The following CHTF18 variants were observed in gnomAD, a reference collection of about 807,000 sequenced individuals.
The protein encoded by CHTF18 is chromosome transmission fidelity factor 18, also known as chromosome transmission fidelity protein 18 homolog.
A neutral mutation model predicts 113.4 loss-of-function variants in CHTF18; 151 were observed. The ratio of observed to expected loss-of-function variants is 1.33; its 90% CI spans 1.17 to 1.52. The LOEUF (loss-of-function observed/expected upper bound fraction) is 1.52. Among genes scored for constraint, CHTF18 ranks in the 40% most tolerant of loss-of-function variants. CHTF18 has a pLI of 0.00. For missense variants in CHTF18, 1,982 were observed against 1,381.6 expected (o/e 1.43, Z -6.89); for synonymous variants, 916 against 598.8 (o/e 1.53, Z -7.74).
At chr16:791,683 G>A (rs2042200281) in intron 8 of CHTF18, 168 bp from the exon 9 acceptor site, 2 of 1,426,408 alleles carry the variant, frequency 1.4e-6, no homozygotes, top group South Asian at 3.0e-5. Flanking sequence ...TTTTTTTTCC[G>A]TTGCCATCTT....
chr16:791,260 G>A lies in CHTF18; in HGVS notation c.994G>A (p.Ala332Thr). 1.9e-6 allele frequency: 3 copies of A among 1,610,318 alleles called. No individual in the cohort carries two copies. The highest frequency in any genetic ancestry group is 2.2e-5 in the South Asian group (2 of 90,652). The change falls in exon 8 of 22, where the codon GCC becomes ACC. Residue 332 changes from alanine (A) to threonine (T), a missense_variant. By Grantham distance (58) the Ala-to-Thr change is moderately conservative (BLOSUM62 0). Coordinates refer to ENST00000262315, the MANE Select transcript of CHTF18 (RefSeq NM_022092.3). ...GAAGCCCAGGCCCAGTGTTGAGCCG[G>A]CCCGGGTCAGCAAGGAGGCCACAGC... ...SRKPRPSVEP[A>T]RVSKEATAPG...
At chr16:797,124 A>T in intron 20 of CHTF18, 32 bp downstream of exon 20, 1 of 1,492,156 alleles carries the variant, frequency 6.7e-7, no homozygotes, top group Non-Finnish European at 8.9e-7. Flanking sequence ...GGGTGGGACC[A>T]GGGTACATAC....
rs377177966 is a variant in CHTF18, at chr16:791,927, C to T, written c.1181C>T (p.Ser394Phe). The change falls in exon 9 of 22, where the codon TCT becomes TTT. Residue 394 changes from serine (S) to phenylalanine (F), a missense_variant. By Grantham distance (155) the Ser-to-Phe change is radical. Coordinates refer to ENST00000262315, the MANE Select transcript of CHTF18 (RefSeq NM_022092.3). ...GTGATTGCGCGTCACGCGGGGTACT[C>T]TGTGGTGGAGATGAACGCCAGGTGA... Reference protein sequence around the residue: ...AHVIARHAGYSVVEMNASDDR... With the variant: ...AHVIARHAGYFVVEMNASDDR... 3.7e-6 allele frequency: 6 copies of T among 1,609,374 alleles called. No homozygotes were observed. The highest frequency in any genetic ancestry group is 4.5e-5 in the East Asian group (2 of 44,734).
chr16:797,724 G>A lies in CHTF18; in HGVS notation c.2764G>A (p.Val922Ile), dbSNP rs371437338. ...GAAGGACTTCTTTGGACGTGTGGTC[G>A]TCAGGAGCACAGCAGTCCCGAGTGC... ...PEKDFFGRVV[V>I]RSTAVPSAGD... Residue 922 changes from valine (V) to isoleucine (I), a missense_variant, in exon 21 of 22, where the codon GTC becomes ATC. Coordinates refer to ENST00000262315, the MANE Select transcript of CHTF18 (RefSeq NM_022092.3). 4.3e-5 allele frequency: 70 copies of A among 1,609,524 alleles called. No homozygotes were observed. In the East Asian group the frequency reaches 7.8e-4, roughly 18 times the overall value.
chr16:795,471 TGCCCCC>T lies in CHTF18; in HGVS notation c.2175+117_2175+122del, dbSNP rs1343082771. 6.3e-5 allele frequency: 24 copies of T among 381,896 alleles called. 4 individuals are homozygous for T. Among genetic ancestry groups the T allele is most frequent in the Middle Eastern group, 1.5e-3 (2 of 1,368 alleles). The allele number at this position is 381,896 out of a possible 1,614,324, so 23.7% of individuals were successfully genotyped here. On this transcript the variant is annotated intron_variant, in intron 16 of 21. Coordinates refer to ENST00000262315, the MANE Select transcript of CHTF18 (RefSeq NM_022092.3). Reference sequence around the variant, plus strand: ...CCCCCAAACACACTGCCCGTGTGGCTGCCCCCGGCCCCGTGCCCGCCCCCCCAAACA... The same window carrying T: ...CCCCCAAACACACTGCCCGTGTGGCTGGCCCCGTGCCCGCCCCCCCAAACA...
At chr16:789,820 A>G (rs953292800) in intron 4 of CHTF18, 105 bp downstream of exon 4, 114 of 1,395,812 alleles carry the variant, frequency 8.2e-5, no homozygotes, top group Non-Finnish European at 1.0e-4. Flanking sequence ...GGTCCTGTGC[A>G]GAGCCCCAGG....
At chr16:789,885 C>T (rs1230962917) in intron 4 of CHTF18, 170 bp downstream of exon 4, 8 of 1,348,246 alleles carry the variant, frequency 5.9e-6, no homozygotes, top group African/African-American at 1.5e-5. Flanking sequence ...CACAGCCTCC[C>T]CACAGCAGGT....
chr16:796,747 G>A lies in CHTF18; in HGVS notation c.2487G>A (p.Glu829=). The stretch of plus-strand genomic sequence containing the variant: ...TGGAGGAACTCTGCCGCTTCCCTGA[G>A]CTGCCTGCCCGCAAGCCCCTCACCT... ...PNVEELCRFP[E]LPARKPLTYQ... Residue 829 remains glutamate, a synonymous_variant, in exon 19 of 22, where the codon GAG becomes GAA. Transcript: ENST00000262315. The A allele has an allele frequency of 1.2e-6, 2 of 1,605,536 alleles. No homozygotes were observed. Among genetic ancestry groups the A allele is most frequent in the Non-Finnish European group, 1.7e-6 (2 of 1,179,432 alleles).
Position 796,794 on chromosome 16 carries a change from C to G in CHTF18, c.2534C>G (p.Ala845Gly). The G allele has an allele frequency of 3.7e-6, 6 of 1,611,052 alleles. No homozygotes were observed. The South Asian group carries it at 5.5e-5, about 15-fold the overall frequency. The change falls in exon 19 of 22, where the codon GCC becomes GGC. Residue 845 changes from alanine (A) to glycine (G), a missense_variant. Coordinates refer to ENST00000262315, the MANE Select transcript of CHTF18 (RefSeq NM_022092.3). ...PLTYQTKQLIAREIEVEKMRR... is the reference protein window; with the variant it reads ...PLTYQTKQLIGREIEVEKMRR... ...ACCTACCAGACGAAGCAGCTCATCG[C>G]CCGCGAGATCGAGGTGGAGAAGATG... is the stretch of plus-strand genomic sequence containing the variant.
In CHTF18 at chr16:797,020, G is replaced by A. The variant is rs1328812661; in HGVS notation, c.2661G>A (p.Val887=). Reference sequence around the variant, plus strand: ...TGGGGGGCATTGGGGAGAAAGGGGTGCACCGACCTGCCCCACGCAACCATG... The same window carrying A: ...TGGGGGGCATTGGGGAGAAAGGGGTACACCGACCTGCCCCACGCAACCATG... The part of the protein sequence containing the change: ...GLLGGIGEKG[V]HRPAPRNHEQ... The change falls in exon 20 of 22, where the codon GTG becomes GTA. Residue 887 remains valine (V), a synonymous_variant. Coordinates refer to ENST00000262315, the MANE Select transcript of CHTF18 (RefSeq NM_022092.3). 1.9e-6 allele frequency: 3 copies of A among 1,557,062 alleles called. No individual in the cohort carries two copies. Among genetic ancestry groups the A allele is most frequent in the African/African-American group, 2.7e-5 (2 of 73,128 alleles).
intron 8 of CHTF18, 74 bp from the exon 9 acceptor site, chr16:791,777 C>T (rs1596754427): frequency 2.0e-6 from 3 of 1,519,046 alleles, no homozygotes; most frequent in South Asian, 1.2e-5. Context: ...ACACATGTGG[C>T]AGTCCCTGGC....
intron 12 of CHTF18, 45 bp from the exon 13 acceptor site, chr16:792,921 G>A (rs577688): frequency 7.1e-6 from 11 of 1,542,156 alleles, no homozygotes; most frequent in Non-Finnish European, 9.6e-6. Context: ...ACCCCTGAAA[G>A]GATGGGGCAT....
intron 5 of CHTF18, 24 bp from the exon 6 acceptor site, chr16:790,323 G>C (rs983907644): frequency 3.7e-6 from 6 of 1,611,968 alleles, no homozygotes; most frequent in Middle Eastern, 1.6e-4. Context: ...GAGCCCTCCT[G>C]ATTCCAGCCT....
chr16:790,070 C>T (rs1251005434), intron 4 of CHTF18, 107 bp from the exon 5 acceptor site: 15 of 1,537,410 alleles, frequency 9.8e-6, no homozygotes, highest in Admixed American at 5.9e-5. Flanking sequence ...CCTCACTGGC[C>T]AGCTTACTGG....
chr16:791,874 G>T lies in CHTF18; in HGVS notation c.1128G>T (p.Pro376=), dbSNP rs367916369. The change falls in exon 9 of 22, where the codon CCG becomes CCT. Residue 376 remains proline (P), a synonymous_variant. Coordinates refer to ENST00000262315, the MANE Select transcript of CHTF18 (RefSeq NM_022092.3). Reference sequence around the variant, plus strand: ...AGGTGGCACTGCTCTGTGGGCCCCCGGGGCTGGGGAAGACCACCCTGGCAC... The same window carrying T: ...AGGTGGCACTGCTCTGTGGGCCCCCTGGGCTGGGGAAGACCACCCTGGCAC... The part of the protein sequence containing the change: ...KQKVALLCGP[P]GLGKTTLAHV... The T allele has an allele frequency of 6.2e-7, 1 of 1,607,956 alleles. No homozygotes were observed.
intron 7 of CHTF18, chr16:790,938 C>T (rs1596751866): frequency 1.4e-6 from 2 of 1,434,558 alleles, no homozygotes; most frequent in East Asian, 2.5e-5. Flanking sequence ...CACTGGAGTG[C>T]CCCTGGGGAG....
In CHTF18 at chr16:798,041, T is replaced by C; in HGVS notation, c.*66T>C. ...GAGTGCAGAGACAGGAAGCTGGAGA[T>C]GTCTTTATAAAGTCACACCTTTACA... On this transcript the variant is annotated 3_prime_UTR_variant, in exon 22 of 22. Coordinates refer to ENST00000262315, the MANE Select transcript of CHTF18 (RefSeq NM_022092.3). 1 of 1,550,608 alleles carries C rather than the reference T, an allele frequency of 6.4e-7. No homozygotes were observed. Among genetic ancestry groups the C allele is most frequent in the South Asian group, 1.2e-5 (1 of 83,384 alleles).
rs1421697067 is a variant in CHTF18, at chr16:790,199, G to A, written c.629G>A (p.Trp210Ter). 3.1e-6 allele frequency: 5 copies of A among 1,603,184 alleles called. No individual in the cohort carries two copies. Among genetic ancestry groups the A allele is most frequent in the Non-Finnish European group, 4.3e-6 (5 of 1,175,876 alleles). The change falls in exon 5 of 22, where the codon TGG (tryptophan) becomes TAG (stop). Residue 210 changes from tryptophan (W) to a stop codon, truncating the protein, a stop_gained. Transcript: ENST00000262315. LOFTEE classifies it high-confidence loss of function. ...CAGGGCTCTCTCCTCCACGTCCCATGGCGAGGCGGTGGCCAGCTGGACCTG... is the reference window on the plus strand; with the variant it reads ...CAGGGCTCTCTCCTCCACGTCCCATAGCGAGGCGGTGGCCAGCTGGACCTG... ...GVQGSLLHVP[W>*]RGGGQLDLLG...
intron 7 of CHTF18, 141 bp downstream of exon 7, chr16:790,807 G>A: frequency 7.0e-7 from 1 of 1,435,640 alleles, no homozygotes; most frequent in Non-Finnish European, 9.1e-7. Context: ...TGAGTTGTAG[G>A]TGGTGAACTG....
Sources: allele counts gnomAD v4.1 joint callset, GRCh38; gene constraint gnomAD v4.1.1; transcripts MANE v1.5; gene names NCBI Gene and HGNC (gene_info 2026-07-23, HGNC 2026-07-21).